GNA12: variants seen among roughly 807,000 people sequenced by gnomAD.
GNA12 encodes G protein subunit alpha 12.
Under a neutral mutation model 26.0 loss-of-function variants are expected in GNA12, and 9 were observed. That is an observed-to-expected ratio of 0.35 (90% CI 0.21 to 0.60). The LOEUF is 0.60. Ranked by LOEUF, GNA12 falls within the 20% of genes least tolerant of loss-of-function variation. GNA12 has a pLI of 0.78. For missense variants in GNA12, 405 were observed against 525.8 expected (o/e 0.77, Z 2.25); for synonymous variants, 264 against 219.6 (o/e 1.20, Z -1.79).
At chr7:2,816,229 C>T (rs925956682) in intron 1 of GNA12, among the ~76,000 whole-genome samples, 8 of 136,076 alleles carry the variant, frequency 5.9e-5, no homozygotes, top group African/African-American at 1.9e-4. Context: ...ACATGTGCTG[C>T]TCACCAAATC....
intron 2 of GNA12, among the ~76,000 whole-genome samples, chr7:2,764,325 C>A (rs539275544): frequency 6.6e-6 from 1 of 151,778 alleles, no homozygotes; most frequent in South Asian, 2.1e-4. Context: ...TGGAGTGATC[C>A]TCCCATCTCA....
chr7:2,843,713 G>C (rs1415702376), intron 1 of GNA12, 140 bp downstream of exon 1: 3 of 433,430 alleles, frequency 6.9e-6, no homozygotes, highest in East Asian at 3.7e-5. Context: ...TCGGGGGGGA[G>C]TGGGGTGCAG....
At chr7:2,752,334 C>CT (rs1791081796) in intron 2 of GNA12, among the ~76,000 whole-genome samples, 1 of 152,178 alleles carries the variant, frequency 6.6e-6, no homozygotes, top group Non-Finnish European at 1.5e-5. Context: ...AACTAACATC[C>CT]TAAGTCATGG....
intron 1 of GNA12, among the ~76,000 whole-genome samples, chr7:2,825,659 T>C (rs1241116875): frequency 6.6e-6 from 1 of 152,170 alleles, no homozygotes; most frequent in Non-Finnish European, 1.5e-5. Context: ...CGCTATAGTT[T>C]TGTAAACAGG....
intron 1 of GNA12, among the ~76,000 whole-genome samples, chr7:2,806,829 T>C (rs997056771): frequency 4.6e-5 from 7 of 152,208 alleles, no homozygotes; most frequent in African/African-American, 1.7e-4. Context: ...ATGGAAAGAA[T>C]AAACAACGAT....
intron 2 of GNA12, among the ~76,000 whole-genome samples, chr7:2,773,337 G>A (rs1009351222): frequency 7.2e-5 from 11 of 152,232 alleles, no homozygotes; most frequent in African/African-American, 2.2e-4. Flanking sequence ...GCCGACATGG[G>A]TGATCACCTG....
intron 2 of GNA12, among the ~76,000 whole-genome samples, chr7:2,778,111 G>A (rs1034647959): frequency 6.6e-6 from 1 of 152,126 alleles, no homozygotes; most frequent in Admixed American, 6.5e-5. Context: ...CCAAAGACTC[G>A]CTGGGATACA....
At chr7:2,840,101 C>G (rs1383531713) in intron 1 of GNA12, among the ~76,000 whole-genome samples, 1 of 152,172 alleles carries the variant, frequency 6.6e-6, no homozygotes, top group Non-Finnish European at 1.5e-5. Flanking sequence ...TGGAAAGGCT[C>G]TGTATCGTGA....
intron 2 of GNA12, among the ~76,000 whole-genome samples, chr7:2,772,901 C>T (rs1263035787): frequency 6.6e-6 from 1 of 152,132 alleles, no homozygotes; most frequent in Non-Finnish European, 1.5e-5. Context: ...TGTCTGTGAA[C>T]AGGAGAAGAA....
rs71026556 is a variant in GNA12, at chr7:2,789,132, C to CTTTTTTTTTTT, written c.525+5785_525+5795dup. Among the ~76,000 whole-genome samples the CTTTTTTTTTTT allele has an allele frequency of 5.6e-3, 409 of 72,814 alleles. 54 individuals are homozygous for CTTTTTTTTTTT. Among genetic ancestry groups the CTTTTTTTTTTT allele is most frequent in the Non-Finnish European group, 6.5e-3 (244 of 37,272 alleles). The allele number at this position is 72,814 out of a possible 152,430, so 47.8% of individuals were successfully genotyped here. ...ACCGTGCCCGGACCCCTTCAGGCAT[C>CTTTTTTTTTTT]TTTTTTTTTTTTTTTTTTTTTGAGA... On this transcript the variant is annotated intron_variant, in intron 2 of 3. Coordinates refer to ENST00000275364, the MANE Select transcript of GNA12 (RefSeq NM_007353.3).
At chr7:2,787,731 G>C (rs1042165944) in intron 2 of GNA12, among the ~76,000 whole-genome samples, 1 of 152,244 alleles carries the variant, frequency 6.6e-6, no homozygotes, top group Non-Finnish European at 1.5e-5. Flanking sequence ...GAGGCCGGGG[G>C]TAAGTGTCAT....
At chr7:2,828,313 A>C (rs1488816607) in intron 1 of GNA12, among the ~76,000 whole-genome samples, 1 of 152,192 alleles carries the variant, frequency 6.6e-6, no homozygotes, top group African/African-American at 2.4e-5. Context: ...AACTATCACC[A>C]ATGCAGTTTC....
intron 2 of GNA12, among the ~76,000 whole-genome samples, chr7:2,786,896 C>G (rs1434842889): frequency 1.3e-5 from 2 of 152,164 alleles, no homozygotes; most frequent in Non-Finnish European, 2.9e-5. Flanking sequence ...ACTGGGGACT[C>G]TGGGTCTGAA....
chr7:2,807,421 C>T (rs1050005033), intron 1 of GNA12, among the ~76,000 whole-genome samples: 8 of 152,012 alleles, frequency 5.3e-5, no homozygotes, highest in Admixed American at 1.3e-4. Flanking sequence ...TCCAATAAAA[C>T]GTTTCATGAA....
chr7:2,733,436 G>A lies in GNA12; in HGVS notation c.576+15C>T. The A allele has an allele frequency of 6.2e-7, 1 of 1,611,732 alleles. No homozygotes were observed. The highest frequency in any genetic ancestry group is 8.5e-7 in the Non-Finnish European group (1 of 1,178,292). On this transcript the variant is annotated intron_variant, in intron 3 of 3. Transcript: ENST00000275364. Reference sequence around the variant, plus strand: ...CCCTGGAGCCCAGCTTCTTCGGGCGGGCGTGCTTACTCACCAGCTGGCCGA... The same window carrying A: ...CCCTGGAGCCCAGCTTCTTCGGGCGAGCGTGCTTACTCACCAGCTGGCCGA...
chr7:2,784,265 A>G (rs1055908964), intron 2 of GNA12, among the ~76,000 whole-genome samples: 1 of 152,132 alleles, frequency 6.6e-6, no homozygotes. Context: ...CTATAGTCAC[A>G]TGCCACCACA....
chr7:2,771,922 C>T (rs549914509), intron 2 of GNA12, among the ~76,000 whole-genome samples: 127 of 152,266 alleles, frequency 8.3e-4, no homozygotes, highest in Non-Finnish European at 1.3e-3. Flanking sequence ...GTTCCCACCC[C>T]CGCCCTCACT....
At chr7:2,827,291 C>T (rs773357121) in intron 1 of GNA12, among the ~76,000 whole-genome samples, 1 of 152,020 alleles carries the variant, frequency 6.6e-6, no homozygotes, top group African/African-American at 2.4e-5. Flanking sequence ...GTGATTGGAA[C>T]GTTTTGGAAT....
At chr7:2,789,132 C>T (rs1361457353) in intron 2 of GNA12, among the ~76,000 whole-genome samples, 36 of 72,800 alleles carry the variant, frequency 4.9e-4, no homozygotes, top group East Asian at 1.2e-3. Flanking sequence ...CTTCAGGCAT[C>T]TTTTTTTTTT....
Sources: allele counts gnomAD v4.1 joint callset (sites outside exome capture counted in the v4.1 genomes callset), GRCh38; gene constraint gnomAD v4.1.1; transcripts MANE v1.5; gene names NCBI Gene and HGNC (gene_info 2026-07-23, HGNC 2026-07-21).